CHD3: variants seen among roughly 807,000 people sequenced by gnomAD.
The protein encoded by CHD3 is ATP-dependent chromatin remodeler CHD3.
CHD3 carries 52 observed loss-of-function variants against 248.9 expected under a neutral mutation model. The observed-to-expected ratio is 0.21, with a 90% CI of 0.17 to 0.26. The LOEUF is 0.26. Among genes scored for constraint, CHD3 ranks in the 10% least tolerant of loss-of-function variants. CHD3 has a pLI of 1.00. For synonymous variants in CHD3, 985 were observed against 985.2 expected, an observed-to-expected ratio of 1.00 and a Z score of 0.00; for missense variants, 1,482 against 2,605.8, an observed-to-expected ratio of 0.57 and a Z score of 9.39.
intron 4 of CHD3, among the ~76,000 whole-genome samples, chr17:7,891,918 T>A (rs1968925363): frequency 6.6e-6 from 1 of 151,266 alleles, no homozygotes; most frequent in East Asian, 1.9e-4. Flanking sequence ...GAGAAGGCAC[T>A]TTAACATATC....
rs577686957 is a variant in CHD3, at chr17:7,903,778, T to C, written c.3728-47T>C. ...GAGTAGAAGCTTTCCCATCAGCCTT[T>C]CTAAACTTTGGAACCCAAAGTTCCC... is the stretch of plus-strand genomic sequence containing the variant. On this transcript the variant is annotated intron_variant, in intron 23 of 39. Coordinates refer to ENST00000330494, the MANE Select transcript of CHD3 (RefSeq NM_001005273.3). The surrounding 1 kb of genome is among the most constrained non-coding windows in gnomAD (Gnocchi z 6.8). 1 of 1,601,786 alleles carries C rather than the reference T, an allele frequency of 6.2e-7. No individual in the cohort carries two copies. Among genetic ancestry groups the C allele is most frequent in the East Asian group, 2.2e-5 (1 of 44,710 alleles).
Position 7,908,638 on chromosome 17 carries a change from T to G in CHD3, c.5262-59T>G. ...GGAGTCAAGCCAAAAGGAAGAAGTG[T>G]TCAAAGCCAAGCCCATTCCTGTTAA... On this transcript the variant is annotated intron_variant, in intron 35 of 39. Coordinates refer to ENST00000330494, the MANE Select transcript of CHD3 (RefSeq NM_001005273.3). This position sits in a 1 kb window ranked among gnomAD's most constrained non-coding sequence, Gnocchi z 5.8. 1 of 1,608,584 alleles carries G rather than the reference T, an allele frequency of 6.2e-7. No homozygotes were observed. The highest frequency in any genetic ancestry group is 2.2e-5 in the East Asian group (1 of 44,810).
rs1033129641 is a variant in CHD3, at chr17:7,889,203, C to G, written c.100+103C>G. On this transcript the variant is annotated intron_variant, in intron 1 of 39. Transcript: ENST00000330494. The surrounding 1 kb of genome is among the most constrained non-coding windows in gnomAD (Gnocchi z 4.5). Reference sequence around the variant, plus strand: ...AACCCAGGTGTCCACCTTTGGCTCTCCCTCCCCAGCATCTGGCTTAGGGAG... The same window carrying G: ...AACCCAGGTGTCCACCTTTGGCTCTGCCTCCCCAGCATCTGGCTTAGGGAG... 1 of 1,424,416 alleles carries G rather than the reference C, an allele frequency of 7.0e-7. No homozygotes were observed. Among genetic ancestry groups the G allele is most frequent in the Non-Finnish European group, 9.7e-7 (1 of 1,031,462 alleles). The allele number at this position is 1,424,416 out of a possible 1,614,324, so 88.2% of individuals were successfully genotyped here.
rs1233665015 is a variant in CHD3, at chr17:7,889,300, G to A, written c.100+200G>A. 1.3e-5 allele frequency among the ~76,000 whole-genome samples: 2 copies of A among 152,250 alleles called. No homozygotes were observed. The highest frequency in any genetic ancestry group is 2.9e-5 in the Non-Finnish European group (2 of 68,036). On this transcript the variant is annotated intron_variant, in intron 1 of 39. Transcript: ENST00000330494. The surrounding 1 kb of genome is among the most constrained non-coding windows in gnomAD (Gnocchi z 4.5). ...CCAGCAGCTGGGCATGGCTTCCCCA[G>A]TTCCTGGGCAGGATGCCAGCTGGCG...
chr17:7,892,736 C>G (rs1484433352), intron 4 of CHD3, among the ~76,000 whole-genome samples: 1 of 152,152 alleles, frequency 6.6e-6, no homozygotes, highest in East Asian at 1.9e-4. Flanking sequence ...ACCTCGTGAT[C>G]CTCCCACCTT....
chr17:7,903,868 T>C lies in CHD3; in HGVS notation c.3771T>C (p.Asn1257=), dbSNP rs1342071788. 13 of 1,613,994 alleles carry C rather than the reference T, an allele frequency of 8.1e-6. No individual in the cohort carries two copies. The highest frequency in any genetic ancestry group is 1.1e-5 in the South Asian group (1 of 91,090). ...ACAGCAGTGTGATTCATTATGACAA[T>C]GAGGCCATCGCTCGGCTGTTGGACC... ...EEDSSVIHYD[N]EAIARLLDRN... Residue 1257 remains asparagine (N), a synonymous_variant, in exon 24 of 40, where the codon AAT becomes AAC. Coordinates refer to ENST00000330494, the MANE Select transcript of CHD3 (RefSeq NM_001005273.3). This position sits in a 1 kb window ranked among gnomAD's most constrained non-coding sequence, Gnocchi z 6.8.
chr17:7,890,807 T>A, intron 3 of CHD3, 66 bp downstream of exon 3: 29 of 1,229,446 alleles, frequency 2.4e-5, no homozygotes, highest in Non-Finnish European at 3.0e-5. Flanking sequence ...AGGGGAGGAA[T>A]GGAGACTGGA....
chr17:7,893,134 A>T, intron 4 of CHD3, 152 bp from the exon 5 acceptor site: 1 of 1,211,210 alleles, frequency 8.3e-7, no homozygotes, highest in South Asian at 2.0e-5. Context: ...ACTTCTTTTT[A>T]TTTATTTTTT....
chr17:7,910,392 T>C lies in CHD3; in HGVS notation c.5591-36T>C. 6.2e-7 allele frequency: 1 copy of C among 1,613,924 alleles called. No homozygotes were observed. The highest frequency in any genetic ancestry group is 8.5e-7 in the Non-Finnish European group (1 of 1,179,856). On this transcript the variant is annotated intron_variant, in intron 37 of 39. Coordinates refer to ENST00000330494, the MANE Select transcript of CHD3 (RefSeq NM_001005273.3). This position sits in a 1 kb window ranked among gnomAD's most constrained non-coding sequence, Gnocchi z 4.7. ...CTCCATCTCTGTATTTCCCTGTCTT[T>C]CTCTTGCCCTTCTTTCTCTGTGGCC...
Position 7,897,603 on chromosome 17 carries a change from T to C in CHD3, c.1919+309T>C, listed in dbSNP as rs1318055905. Among the ~76,000 whole-genome samples the C allele has an allele frequency of 6.6e-6, 1 of 152,116 alleles. No individual in the cohort carries two copies. Among genetic ancestry groups the C allele is most frequent in the African/African-American group, 2.4e-5 (1 of 41,412 alleles). On this transcript the variant is annotated intron_variant, in intron 11 of 39. Coordinates refer to ENST00000330494, the MANE Select transcript of CHD3 (RefSeq NM_001005273.3). The surrounding 1 kb of genome is among the most constrained non-coding windows in gnomAD (Gnocchi z 4.8). Reference sequence around the variant, plus strand: ...GAGAGACATAATTCATCCAGACCAGTGTTTTGAATGTTTCTTCTTCATAGT... The same window carrying C: ...GAGAGACATAATTCATCCAGACCAGCGTTTTGAATGTTTCTTCTTCATAGT...
At chr17:7,887,272 TAC>T (rs1968113617), upstream of CHD3, among the ~76,000 whole-genome samples, 1 of 152,206 alleles carries the variant, frequency 6.6e-6, no homozygotes, top group African/African-American at 2.4e-5. Flanking sequence ...CATTTTGTTT[TAC>T]ATTCTTACTC....
Position 7,899,950 on chromosome 17 carries a change from ATTG to A in CHD3, c.2600_2602del (p.Ile867_Asp868delinsAsn), listed in dbSNP as rs1450180306. On this transcript the variant is annotated inframe_deletion, in exon 16 of 40. Coordinates refer to ENST00000330494, the MANE Select transcript of CHD3 (RefSeq NM_001005273.3). The surrounding 1 kb of genome is among the most constrained non-coding windows in gnomAD (Gnocchi z 6.8). ...CCTGACATCGTATGAGCTGATCACC[ATTG>A]ATCAGGCAGCACTTGGTTCCATCCG... 6.2e-7 allele frequency: 1 copy of A among 1,613,842 alleles called. No individual in the cohort carries two copies. The highest frequency in any genetic ancestry group is 8.5e-7 in the Non-Finnish European group (1 of 1,179,812).
In CHD3 at chr17:7,907,135, C is replaced by G. The variant is rs755506653; in HGVS notation, c.4676C>G (p.Ala1559Gly). The G allele has an allele frequency of 6.2e-7, 1 of 1,614,162 alleles. No individual in the cohort carries two copies. Among genetic ancestry groups the G allele is most frequent in the Non-Finnish European group, 8.5e-7 (1 of 1,180,020 alleles). ...GTGCCTTCCCCTGCAGCTACTCCAG[C>G]TCCAAGTGAGAAAGGAGAAGGCATA... Reference protein sequence around the residue: ...SPCTSKPATPAPSEKGEGIRT... With the variant: ...SPCTSKPATPGPSEKGEGIRT... The change falls in exon 31 of 40, where the codon GCT becomes GGT. Residue 1559 changes from alanine to glycine, a missense_variant. Physicochemically the swap from Ala to Gly is moderately conservative, Grantham distance 60. Coordinates refer to ENST00000330494, the MANE Select transcript of CHD3 (RefSeq NM_001005273.3). The surrounding 1 kb of genome is among the most constrained non-coding windows in gnomAD (Gnocchi z 4.3).
Position 7,910,456 on chromosome 17 carries a change from C to T in CHD3, c.5619C>T (p.Ser1873=). The change falls in exon 38 of 40, where the codon AGC becomes AGT. Residue 1873 remains serine, a synonymous_variant. Coordinates refer to ENST00000330494, the MANE Select transcript of CHD3 (RefSeq NM_001005273.3). This position sits in a 1 kb window ranked among gnomAD's most constrained non-coding sequence, Gnocchi z 4.7. The part of the protein sequence containing the change: ...KVLNQLEELL[S]DMKADVTRLP... Reference sequence around the variant, plus strand: ...TGAACCAGCTGGAGGAGTTGCTGAGCGACATGAAGGCGGACGTGACCCGCC... The same window carrying T: ...TGAACCAGCTGGAGGAGTTGCTGAGTGACATGAAGGCGGACGTGACCCGCC... The T allele has an allele frequency of 1.2e-6, 2 of 1,614,096 alleles. No individual in the cohort carries two copies. Among genetic ancestry groups the T allele is most frequent in the Non-Finnish European group, 1.7e-6 (2 of 1,180,016 alleles).
chr17:7,899,601 A>T lies in CHD3; in HGVS notation c.2544+58A>T. ...CTCAAAGCTGTCACTTCTTTTTCTCAGCCAGGAATTCAGTTTCTCTATTCC... is the reference window on the plus strand; with the variant it reads ...CTCAAAGCTGTCACTTCTTTTTCTCTGCCAGGAATTCAGTTTCTCTATTCC... On this transcript the variant is annotated intron_variant, in intron 15 of 39. Transcript: ENST00000330494. This position sits in a 1 kb window ranked among gnomAD's most constrained non-coding sequence, Gnocchi z 6.8. 6.5e-7 allele frequency: 1 copy of T among 1,548,800 alleles called. No individual in the cohort carries two copies. Among genetic ancestry groups the T allele is most frequent in the Non-Finnish European group, 8.9e-7 (1 of 1,128,680 alleles).
At chr17:7,892,585 C>T (rs937845372) in intron 4 of CHD3, among the ~76,000 whole-genome samples, 1 of 149,710 alleles carries the variant, frequency 6.7e-6, no homozygotes, top group Non-Finnish European at 1.5e-5. Flanking sequence ...CAACCTCTGC[C>T]TCCCAGGTTC....
At chr17:7,892,267 CTT>C in intron 4 of CHD3, among the ~76,000 whole-genome samples, 1 of 152,296 alleles carries the variant, frequency 6.6e-6, no homozygotes, top group African/African-American at 2.4e-5. Flanking sequence ...TGGTCTGACT[CTT>C]TCACACTCCG....
Position 7,908,369 on chromosome 17 carries a change from T to G in CHD3, c.5153-33T>G, listed in dbSNP as rs376096086. 6 of 1,567,640 alleles carry G rather than the reference T, an allele frequency of 3.8e-6. No homozygotes were observed. The East Asian group carries it at 1.3e-4, about 35-fold the overall frequency. ...GGACTGAGTGCAGTCTGCAAAACCC[T>G]GTTACCTCTTCTGTCTGCTGCCTTC... On this transcript the variant is annotated intron_variant, in intron 34 of 39. Coordinates refer to ENST00000330494, the MANE Select transcript of CHD3 (RefSeq NM_001005273.3). The surrounding 1 kb of genome is among the most constrained non-coding windows in gnomAD (Gnocchi z 5.8).
chr17:7,898,518 C>G lies in CHD3; in HGVS notation c.2074C>G (p.Pro692Ala), dbSNP rs754939048. ...CAGAGAACTAATTATGGGGGAAGACCCTGCCCAGCCCCGCAAGTATAAGAA... is the reference window on the plus strand; with the variant it reads ...CAGAGAACTAATTATGGGGGAAGACGCTGCCCAGCCCCGCAAGTATAAGAA... Reference protein sequence around the residue: ...RHRELIMGEDPAQPRKYKKKK... With the variant: ...RHRELIMGEDAAQPRKYKKKK... Residue 692 changes from proline (P) to alanine (A), a missense_variant, in exon 13 of 40, where the codon CCT (proline) becomes GCT (alanine). By Grantham distance (27) the Pro-to-Ala change is conservative. Transcript: ENST00000330494. The G allele has an allele frequency of 3.7e-6, 6 of 1,613,918 alleles. No individual in the cohort carries two copies. Among genetic ancestry groups the G allele is most frequent in the African/African-American group, 1.3e-5 (1 of 75,006 alleles).
Sources: gnomAD v4.1 joint callset for allele counts (sites outside exome capture counted in the v4.1 genomes callset) on GRCh38, gnomAD v4.1.1 for gene constraint, Gnocchi (gnomAD v3.1) non-coding constraint, MANE v1.5 for transcripts, NCBI Gene and HGNC (gene_info 2026-07-23, HGNC 2026-07-21) for gene names.